The following CSMD1 variants were observed in gnomAD, a reference collection of about 807,000 sequenced individuals.
CSMD1 encodes the protein CUB and sushi domain-containing protein 1.
Under a neutral mutation model 417.5 loss-of-function variants are expected in CSMD1, and 213 were observed. That is an observed-to-expected ratio of 0.51 (90% confidence interval 0.46 to 0.57). The LOEUF is 0.57. CSMD1 is among the 20% of genes least tolerant of loss of function. The pLI, the probability that CSMD1 is intolerant of heterozygous loss-of-function variation, is 0.00. For missense variants in CSMD1, 6,923 were observed against 4,529.7 expected (o/e 1.53, Z -15.17); for synonymous variants, 2,862 against 1,736.8 (o/e 1.65, Z -16.11).
chr8:4,901,968 G>C (rs185736541), intron 1 of CSMD1, among the ~76,000 whole-genome samples: 98 of 152,196 alleles, frequency 6.4e-4, no homozygotes, highest in African/African-American at 2.2e-3. Context: ...AAATACCAAA[G>C]ACATAATGTC....
chr8:3,632,989 C>G (rs996358296), intron 7 of CSMD1, among the ~76,000 whole-genome samples: 1 of 152,202 alleles, frequency 6.6e-6, no homozygotes. Context: ...TGGGTGCTCT[C>G]GCACCTGAGA....
chr8:3,250,122 T>C (rs554320884), intron 26 of CSMD1, among the ~76,000 whole-genome samples: 3 of 152,346 alleles, frequency 2.0e-5, no homozygotes, highest in African/African-American at 7.2e-5. Context: ...GTTTGTTACA[T>C]ATATATACAT....
chr8:3,879,230 T>G (rs1806044372), intron 5 of CSMD1, among the ~76,000 whole-genome samples: 1 of 152,204 alleles, frequency 6.6e-6, no homozygotes, highest in Admixed American at 6.6e-5. Flanking sequence ...ATTTATACAC[T>G]ATACCTGTGT....
intron 5 of CSMD1, among the ~76,000 whole-genome samples, chr8:3,934,351 A>G (rs1343993987): frequency 6.6e-6 from 1 of 152,220 alleles, no homozygotes; most frequent in East Asian, 1.9e-4. Flanking sequence ...AAAAGAGGAG[A>G]AAAATACATA....
chr8:4,696,203 A>G (rs1807120225), intron 1 of CSMD1, among the ~76,000 whole-genome samples: 1 of 152,246 alleles, frequency 6.6e-6, no homozygotes. Flanking sequence ...CATATAGGAT[A>G]TGTTATTTTC....
At chr8:3,294,549 A>C (rs138962931) in intron 25 of CSMD1, among the ~76,000 whole-genome samples, 4,165 of 123,550 alleles carry the variant, frequency 0.034, 191 homozygotes, top group Middle Eastern at 0.12. Context: ...GCCTCGCTGC[A>C]GCCTTGCAGT....
chr8:2,999,375 A>G (rs1807197719), intron 53 of CSMD1, among the ~76,000 whole-genome samples: 1 of 151,930 alleles, frequency 6.6e-6, no homozygotes, highest in African/African-American at 2.4e-5. Context: ...GCTCGTCTTG[A>G]ACTCCTGACC....
intron 5 of CSMD1, among the ~76,000 whole-genome samples, chr8:3,953,021 A>G (rs1811694015): frequency 6.6e-6 from 1 of 152,170 alleles, no homozygotes; most frequent in Admixed American, 6.5e-5. Context: ...AATACATGAG[A>G]AGGTTTACTA....
intron 3 of CSMD1, among the ~76,000 whole-genome samples, chr8:4,308,406 T>G (rs529355248): frequency 6.7e-6 from 1 of 149,744 alleles, no homozygotes; most frequent in South Asian, 2.1e-4. Flanking sequence ...CGTGCATGTG[T>G]GTGTGTGTTA....
At chr8:3,763,239 C>T (rs547888810) in intron 5 of CSMD1, among the ~76,000 whole-genome samples, 1 of 152,226 alleles carries the variant, frequency 6.6e-6, no homozygotes, top group South Asian at 2.1e-4. Flanking sequence ...TGTTATGATG[C>T]CAGCTAGGGT....
At chr8:4,923,797 G>T (rs1025528627) in intron 1 of CSMD1, among the ~76,000 whole-genome samples, 2 of 152,114 alleles carry the variant, frequency 1.3e-5, no homozygotes, top group African/African-American at 4.8e-5. Flanking sequence ...CCCAATGGTA[G>T]AAATATAATA....
intron 5 of CSMD1, among the ~76,000 whole-genome samples, chr8:3,895,339 C>A (rs966891086): frequency 3.3e-5 from 5 of 152,030 alleles, no homozygotes; most frequent in Admixed American, 2.0e-4. Flanking sequence ...TTTGGAGTTA[C>A]AACTGAGACA....
chr8:3,845,566 G>C (rs1407827862), intron 5 of CSMD1, among the ~76,000 whole-genome samples: 1 of 152,140 alleles, frequency 6.6e-6, no homozygotes, highest in Non-Finnish European at 1.5e-5. Flanking sequence ...GTGAACGAGT[G>C]ATTATGAAGG....
intron 1 of CSMD1, among the ~76,000 whole-genome samples, chr8:4,757,595 C>G (rs1159108996): frequency 1.3e-5 from 2 of 152,176 alleles, no homozygotes; most frequent in African/African-American, 4.8e-5. Context: ...CTACAGGAGA[C>G]ATATCTCTAC....
chr8:3,170,532 C>G (rs1820523798), intron 37 of CSMD1, among the ~76,000 whole-genome samples: 1 of 152,166 alleles, frequency 6.6e-6, no homozygotes. Context: ...AACAGCACCT[C>G]TAATGTGTGC....
intron 3 of CSMD1, among the ~76,000 whole-genome samples, chr8:4,276,502 T>A (rs1796496242): frequency 6.6e-6 from 1 of 152,124 alleles, no homozygotes; most frequent in Non-Finnish European, 1.5e-5. Flanking sequence ...GATGACGGGT[T>A]AGTGGGTGCA....
At chr8:3,342,870 T>C (rs1807750145) in intron 23 of CSMD1, among the ~76,000 whole-genome samples, 1 of 141,742 alleles carries the variant, frequency 7.1e-6, no homozygotes, top group African/African-American at 2.7e-5. Flanking sequence ...TATACATATA[T>C]ATGATTAAAT....
In CSMD1 at chr8:3,128,885, A is replaced by G. The variant is rs115508553; in HGVS notation, c.6242-10298T>C. 4.7e-3 allele frequency: 2,155 copies of G among 455,556 alleles called. 42 individuals carry two copies. The highest frequency in any genetic ancestry group is 0.039 in the African/African-American group (1,968 of 50,082). The allele number at this position is 455,556 out of a possible 1,614,324, so 28.2% of individuals were successfully genotyped here. ...GTCAAGACATGGGAAAGCAGGACCA[A>G]TGTTTCCAGATCCTCCTATTGCAAG... On this transcript the variant is annotated intron_variant, in intron 41 of 69. Transcript: ENST00000635120.
intron 57 of CSMD1, among the ~76,000 whole-genome samples, chr8:2,971,019 T>C (rs879862375): frequency 6.6e-6 from 1 of 152,200 alleles, no homozygotes; most frequent in Non-Finnish European, 1.5e-5. Flanking sequence ...TTTTCTAAGG[T>C]ATGTGAGTGT....
Sources: gnomAD v4.1 joint callset for allele counts (sites outside exome capture counted in the v4.1 genomes callset) on GRCh38, gnomAD v4.1.1 for gene constraint, MANE v1.5 for transcripts, NCBI Gene and HGNC (gene_info 2026-07-23, HGNC 2026-07-21) for gene names.